The following EPHA5 variants were observed in gnomAD, a reference collection of about 807,000 sequenced individuals.
EPHA5 encodes the protein ephrin type-A receptor 5.
Under a neutral mutation model 105.0 loss-of-function variants are expected in EPHA5, and 60 were observed. The observed-to-expected ratio is 0.57, with a 90% CI of 0.46 to 0.71. EPHA5 has a LOEUF of 0.71. EPHA5 is among the 30% of genes least tolerant of loss of function. EPHA5 has a pLI of 0.00. For missense variants in EPHA5, 1,218 were observed against 1,274.7 expected (o/e 0.96, Z 0.68); for synonymous variants, 513 against 449.1 (o/e 1.14, Z -1.80).
intron 8 of EPHA5, among the ~76,000 whole-genome samples, chr4:65,368,952 C>T (rs1349354606): frequency 6.6e-6 from 1 of 152,132 alleles, no homozygotes; most frequent in East Asian, 1.9e-4. Flanking sequence ...TTTCCCAATA[C>T]TTAAACTTAA....
rs1331971228 is a variant in EPHA5 at position 65,366,011 on chromosome 4, C to T, written c.1908G>A (p.Glu636=). The T allele has an allele frequency of 6.2e-7, 1 of 1,605,234 alleles. No individual in the cohort carries two copies. Among genetic ancestry groups the T allele is most frequent in the East Asian group, 2.2e-5 (1 of 44,710 alleles). The change falls in exon 10 of 17, where the codon GAG becomes GAA. Residue 636 remains glutamate (E), a synonymous_variant. Transcript: ENST00000613740. The part of the protein sequence containing the change: ...VRTYIDPHTY[E]DPNQAVHEFA... ...ATTCGTGGACAGCTTGATTGGGATC[C>T]TCATAGGTATGTGGATCAATGTAAG...
intron 2 of EPHA5, among the ~76,000 whole-genome samples, chr4:65,603,350 CTGTG>C (rs2149444213): frequency 6.6e-6 from 1 of 151,332 alleles, no homozygotes; most frequent in East Asian, 1.9e-4. Flanking sequence ...GTAAAAAAAT[CTGTG>C]TGTACAAAAG....
intron 3 of EPHA5, among the ~76,000 whole-genome samples, chr4:65,538,262 T>C (rs1054500297): frequency 3.3e-5 from 5 of 151,886 alleles, no homozygotes; most frequent in Non-Finnish European, 7.4e-5. Flanking sequence ...CACTTGTTAA[T>C]ATTTAAATAT....
chr4:65,654,151 C>T (rs1404839488), intron 1 of EPHA5, among the ~76,000 whole-genome samples: 3 of 151,104 alleles, frequency 2.0e-5, no homozygotes, highest in African/African-American at 4.9e-5. Context: ...ACCATAACAC[C>T]ATGAACATGA....
rs186317041 is a variant in EPHA5 at position 65,618,501 on chromosome 4, A to G, written c.247-16197T>C. 9.8e-4 allele frequency among the ~76,000 whole-genome samples: 149 copies of G among 152,314 alleles called. 1 individual carries two copies. The highest frequency in any genetic ancestry group is 3.3e-3 in the African/African-American group (138 of 41,578). ...TCTCTTTAATTAATTAGTTTTCACA[A>G]GAATTTAGAGCCATGTTTTAGATCT... On this transcript the variant is annotated intron_variant, in intron 2 of 16. Coordinates refer to ENST00000613740, the MANE Select transcript of EPHA5 (RefSeq NM_001281766.3).
chr4:65,427,330 C>A lies in EPHA5; in HGVS notation c.1403-6765G>T, dbSNP rs924277570. On this transcript the variant is annotated intron_variant, in intron 5 of 16. Coordinates refer to ENST00000613740, the MANE Select transcript of EPHA5 (RefSeq NM_001281766.3). Reference sequence around the variant, plus strand: ...CTCCCGAGTAGCTGGGGTTAAGGCGCCTGCCACTGCACCCGGCTAATTTTT... The same window carrying A: ...CTCCCGAGTAGCTGGGGTTAAGGCGACTGCCACTGCACCCGGCTAATTTTT... Among the ~76,000 whole-genome samples, 6 of 151,592 alleles carry A rather than the reference C, an allele frequency of 4.0e-5. No individual in the cohort carries two copies. In the South Asian group the frequency reaches 1.3e-3, roughly 32 times the overall value.
chr4:65,557,233 G>GATATATATATATATAC, intron 3 of EPHA5, among the ~76,000 whole-genome samples: 1 of 90,926 alleles, frequency 1.1e-5, no homozygotes, highest in South Asian at 4.3e-4. Flanking sequence ...TTTATACTGG[G>GATATATATATATATAC]ATATATATAT....
chr4:65,520,504 A>G (rs952020362), intron 3 of EPHA5, among the ~76,000 whole-genome samples: 4 of 152,216 alleles, frequency 2.6e-5, no homozygotes, highest in Non-Finnish European at 5.9e-5. Context: ...AAGCAATGGC[A>G]ACAAAAGCCA....
chr4:65,574,300 G>A, intron 3 of EPHA5: 3 of 1,551,180 alleles, frequency 1.9e-6, no homozygotes, highest in Non-Finnish European at 1.8e-6. Context: ...CTGACGAATG[G>A]AATTTATCCT....
At chr4:65,652,890 C>T (rs374500639) in intron 1 of EPHA5, among the ~76,000 whole-genome samples, 32 of 151,916 alleles carry the variant, frequency 2.1e-4, no homozygotes, top group African/African-American at 7.5e-4. Context: ...AATAATGAAC[C>T]CTCTTTTCTT....
chr4:65,505,701 G>T (rs1732943026), intron 3 of EPHA5, among the ~76,000 whole-genome samples: 1 of 151,898 alleles, frequency 6.6e-6, no homozygotes, highest in East Asian at 1.9e-4. Flanking sequence ...TGGGTTAATT[G>T]GCAAGCCCGA....
At chr4:65,400,238 T>C (rs1339007059) in intron 8 of EPHA5, among the ~76,000 whole-genome samples, 2 of 152,122 alleles carry the variant, frequency 1.3e-5, no homozygotes, top group Non-Finnish European at 2.9e-5. Flanking sequence ...CCCAATGTCA[T>C]TAGTGATAAA....
In EPHA5 at chr4:65,365,500, A is replaced by C. The variant is rs373534293; in HGVS notation, c.1988-298T>G. ...AAAAAGAATGAAATTAAAAGTAACT[A>C]ATGAAAAATCACTTTTTCTTCTTTT... On this transcript the variant is annotated intron_variant, in intron 10 of 16. Transcript: ENST00000613740. Among the ~76,000 whole-genome samples the C allele has an allele frequency of 3.7e-4, 56 of 150,854 alleles. 1 individual carries two copies. The East Asian group carries it at 8.6e-3, about 23-fold the overall frequency.
At chr4:65,520,355 T>A (rs998271034) in intron 3 of EPHA5, among the ~76,000 whole-genome samples, 3 of 152,146 alleles carry the variant, frequency 2.0e-5, no homozygotes, top group Non-Finnish European at 2.9e-5. Context: ...ATCCCTTCCT[T>A]ACACCTTATA....
intron 3 of EPHA5, among the ~76,000 whole-genome samples, chr4:65,569,215 C>T (rs1008798107): frequency 2.6e-5 from 4 of 151,268 alleles, no homozygotes; most frequent in African/African-American, 9.7e-5. Flanking sequence ...TTGTTTAACC[C>T]CAAATAAAAT....
intron 3 of EPHA5, among the ~76,000 whole-genome samples, chr4:65,557,927 G>C (rs1738620764): frequency 6.6e-6 from 1 of 151,822 alleles, no homozygotes; most frequent in African/African-American, 2.4e-5. Context: ...ACCCAGGCTG[G>C]AGTGCAGTGA....
At chr4:65,404,327 G>A (rs929657132) in intron 8 of EPHA5, 47 bp downstream of exon 8, 1 of 1,520,938 alleles carries the variant, frequency 6.6e-7, no homozygotes, top group African/African-American at 1.4e-5. Context: ...ATCAAGGTGA[G>A]GAAGAGATCA....
intron 1 of EPHA5, among the ~76,000 whole-genome samples, chr4:65,660,434 C>T (rs950433093): frequency 6.6e-6 from 1 of 152,046 alleles, no homozygotes; most frequent in Non-Finnish European, 1.5e-5. Context: ...TCCTTTTAAT[C>T]GTACAGTGTC....
At position 65,363,254 on chromosome 4, in the gene EPHA5, C is replaced by T. The variant is rs1158328501; in HGVS notation, c.2173+1763G>A. 3.3e-5 allele frequency among the ~76,000 whole-genome samples: 5 copies of T among 151,510 alleles called. No homozygotes were observed. The East Asian group carries it at 9.7e-4, about 29-fold the overall frequency. On this transcript the variant is annotated intron_variant, in intron 11 of 16. Coordinates refer to ENST00000613740, the MANE Select transcript of EPHA5 (RefSeq NM_001281766.3). Reference sequence around the variant, plus strand: ...ATAAGTACTTACTTTGTGCCTTGCCCATTCTAAACCTCATCTATATTAATT... The same window carrying T: ...ATAAGTACTTACTTTGTGCCTTGCCTATTCTAAACCTCATCTATATTAATT...
Sources: gnomAD v4.1 joint callset for allele counts (sites outside exome capture counted in the v4.1 genomes callset) on GRCh38, gnomAD v4.1.1 for gene constraint, MANE v1.5 for transcripts, NCBI Gene and HGNC (gene_info 2026-07-23, HGNC 2026-07-21) for gene names.